Variants in ELFN1 observed in about 807,000 individuals in gnomAD.
ELFN1 encodes protein ELFN1.
ELFN1 carries 6 observed loss-of-function variants against 7.6 expected under a neutral mutation model. The observed-to-expected ratio is 0.79, with a 90% CI of 0.43 to 1.56. ELFN1 has a LOEUF of 1.56. Ranked by LOEUF, ELFN1 falls within the 40% of genes most tolerant of loss-of-function variation. The probability of loss-of-function intolerance (pLI) is 0.01; values close to 1 mark genes in which losing one functional copy is unlikely to be tolerated. For missense variants in ELFN1, 1,169 were observed against 1,232.2 expected (o/e 0.95, Z 0.77); for synonymous variants, 657 against 588.1 (o/e 1.12, Z -1.70).
At position 1,746,619 on chromosome 7, in the gene ELFN1, C is replaced by T. The variant is rs1383743514; in HGVS notation, c.2023C>T (p.Pro675Ser). ...GGCCAAGTACATCGAGAAGGGCTCC[C>T]CCGCGGCCGACGCCATCCTCACTGT... ...AEAKYIEKGS[P>S]AADAILTVTP... The change falls in exon 4 of 4, where the codon CCC becomes TCC. Residue 675 changes from proline (P) to serine (S), a missense_variant. Physicochemically the swap from Pro to Ser is moderately conservative, Grantham distance 74. Around this residue, in one of 2 missense-constraint regions of ELFN1, gnomAD observed 914 missense variants for 872.6 expected, o/e 1.05. Transcript: ENST00000424383. The T allele has an allele frequency of 8.1e-6, 11 of 1,350,468 alleles. No individual in the cohort carries two copies. The highest frequency in any genetic ancestry group is 4.0e-5 in the Admixed American group (1 of 24,898). 83.7% of individuals were successfully genotyped at this position (1,350,468 alleles called of 1,614,324 possible).
chr7:1,724,597 C>T (rs1289131851), intron 3 of ELFN1, among the ~76,000 whole-genome samples: 2 of 152,208 alleles, frequency 1.3e-5, no homozygotes, highest in East Asian at 3.9e-4. Flanking sequence ...GAGGACAGAG[C>T]TTGTGACCCC....
intron 2 of ELFN1, among the ~76,000 whole-genome samples, chr7:1,689,277 T>C (rs1335425270): frequency 2.0e-5 from 3 of 152,262 alleles, no homozygotes; most frequent in African/African-American, 7.2e-5. Flanking sequence ...CTCACGCATG[T>C]GTGTGCTTCT....
chr7:1,719,786 C>T (rs549865979), intron 3 of ELFN1, among the ~76,000 whole-genome samples: 80 of 152,154 alleles, frequency 5.3e-4, no homozygotes, highest in Non-Finnish European at 1.0e-4. Flanking sequence ...CCTCCCCTAC[C>T]ATCACCTCTG....
chr7:1,699,808 A>T (rs1295219075), intron 2 of ELFN1, among the ~76,000 whole-genome samples: 2 of 152,066 alleles, frequency 1.3e-5, no homozygotes. Flanking sequence ...GGTTCAAGCG[A>T]TTCTCCTGCC....
intron 2 of ELFN1, chr7:1,692,933 G>A (rs951087372): frequency 1.4e-5 from 3 of 219,182 alleles, no homozygotes; most frequent in African/African-American, 2.2e-5. Context: ...GCAGGGAACG[G>A]CAGGGACCTC....
At chr7:1,724,607 C>T (rs1002422452) in intron 3 of ELFN1, among the ~76,000 whole-genome samples, 2 of 152,182 alleles carry the variant, frequency 1.3e-5, no homozygotes, top group Non-Finnish European at 2.9e-5. Flanking sequence ...CTTGTGACCC[C>T]CACCCGGACC....
At chr7:1,720,909 T>C (rs1780002258) in intron 3 of ELFN1, among the ~76,000 whole-genome samples, 1 of 152,170 alleles carries the variant, frequency 6.6e-6, no homozygotes, top group Admixed American at 6.5e-5. Context: ...CCCACACCCA[T>C]CCTGCCTGGG....
chr7:1,738,453 G>C (rs1328517889), intron 3 of ELFN1, among the ~76,000 whole-genome samples: 1 of 152,154 alleles, frequency 6.6e-6, no homozygotes, highest in Admixed American at 6.5e-5. Flanking sequence ...ACATGAAGTG[G>C]ATGGCCGGGT....
intron 3 of ELFN1, among the ~76,000 whole-genome samples, chr7:1,737,313 T>A (rs979869052): frequency 2.0e-5 from 3 of 151,892 alleles, no homozygotes; most frequent in Non-Finnish European, 2.9e-5. Flanking sequence ...AGATGTCCAG[T>A]CCCTGGCAAC....
chr7:1,683,295 AGTTT>A (rs1004534792), intron 1 of ELFN1, among the ~76,000 whole-genome samples: 2 of 151,988 alleles, frequency 1.3e-5, no homozygotes, highest in African/African-American at 2.4e-5. Flanking sequence ...CAAATTAATC[AGTTT>A]GTTTGTTTTT....
upstream of ELFN1, among the ~76,000 whole-genome samples, chr7:1,667,965 TGG>T (rs201869702): frequency 1.5e-3 from 67 of 44,828 alleles, no homozygotes; most frequent in African/African-American, 3.9e-3. This position sits in a 1 kb window ranked among gnomAD's most constrained non-coding sequence, Gnocchi z 8.2. Flanking sequence ...CCGCTCGGGG[TGG>T]GGGGGGGGGG....
intron 3 of ELFN1, among the ~76,000 whole-genome samples, chr7:1,716,849 G>T (rs573430862): frequency 6.6e-6 from 1 of 152,210 alleles, no homozygotes; most frequent in Non-Finnish European, 1.5e-5. Flanking sequence ...CAGCCATGGA[G>T]GGGGAGGGGA....
At chr7:1,707,409 TG>T (rs1294170991) in intron 2 of ELFN1, among the ~76,000 whole-genome samples, 16 of 152,218 alleles carry the variant, frequency 1.1e-4, no homozygotes, top group Admixed American at 1.0e-3. Flanking sequence ...TGCCTCTCCC[TG>T]GGGCTTTGCG....
At chr7:1,681,912 TTCAA>T (rs1458893577) in intron 1 of ELFN1, among the ~76,000 whole-genome samples, 4 of 152,258 alleles carry the variant, frequency 2.6e-5, no homozygotes, top group Non-Finnish European at 5.9e-5. Flanking sequence ...AAAATGTCTA[TTCAA>T]ATCTCTTGCC....
intron 2 of ELFN1, among the ~76,000 whole-genome samples, chr7:1,698,730 TTTTTC>T (rs1779367724): frequency 6.6e-6 from 1 of 152,218 alleles, no homozygotes; most frequent in Admixed American, 6.5e-5. Context: ...CTTCTGGTCT[TTTTTC>T]TTCTTTTGAG....
intron 3 of ELFN1, among the ~76,000 whole-genome samples, chr7:1,720,602 C>T (rs1779990231): frequency 6.6e-6 from 1 of 152,144 alleles, no homozygotes; most frequent in South Asian, 2.1e-4. Context: ...AGCTTGTGTG[C>T]CAAGAACCTC....
chr7:1,747,302 CCACACACACACACACACACA>C lies in ELFN1; in HGVS notation c.*233_*252del, dbSNP rs143376319. ...GCTTGTCGCCCCGGGTGGCACGTGTCCACACACACACACACACACACACACACACACACGAGGGACTTCGG... is the reference window on the plus strand; with the variant it reads ...GCTTGTCGCCCCGGGTGGCACGTGTCCACACACACACACGAGGGACTTCGG... On this transcript the variant is annotated 3_prime_UTR_variant, in exon 4 of 4. Coordinates refer to ENST00000424383, the MANE Select transcript of ELFN1 (RefSeq NM_001128636.4). 1.1e-5 allele frequency: 3 copies of C among 270,190 alleles called. No homozygotes were observed. Among genetic ancestry groups the C allele is most frequent in the Non-Finnish European group, 1.9e-5 (3 of 155,096 alleles). 16.7% of individuals were successfully genotyped at this position (270,190 alleles called of 1,614,324 possible).
At position 1,739,987 on chromosome 7, in the gene ELFN1, C is replaced by T. The variant is rs540587774; in HGVS notation, c.-293-4317C>T. ...GGTTCTAGAACTACGAGTTCCAATACGGCAGCTACTAGCCACGTTTCTGGC... is the reference window on the plus strand; with the variant it reads ...GGTTCTAGAACTACGAGTTCCAATATGGCAGCTACTAGCCACGTTTCTGGC... On this transcript the variant is annotated intron_variant, in intron 3 of 3. Transcript: ENST00000424383. The surrounding 1 kb of genome is among the most constrained non-coding windows in gnomAD (Gnocchi z 4.6). Among the ~76,000 whole-genome samples, 24 of 152,314 alleles carry T rather than the reference C, an allele frequency of 1.6e-4. No homozygotes were observed. Among genetic ancestry groups the T allele is most frequent in the African/African-American group, 5.3e-4 (22 of 41,562 alleles).
intron 2 of ELFN1, among the ~76,000 whole-genome samples, chr7:1,690,615 A>C (rs1779141742): frequency 6.9e-6 from 1 of 144,080 alleles, no homozygotes; most frequent in Admixed American, 6.9e-5. Flanking sequence ...TGAATGGATA[A>C]ATGGATGGAT....
Sources: gnomAD v4.1 joint callset for allele counts (sites outside exome capture counted in the v4.1 genomes callset) on GRCh38, gnomAD v4.1.1 for gene constraint, gnomAD v4.1.1 regional missense constraint, Gnocchi (gnomAD v3.1) non-coding constraint, MANE v1.5 for transcripts, NCBI Gene and HGNC (gene_info 2026-07-23, HGNC 2026-07-21) for gene names.